Variants in ENTREP1 observed in about 807,000 individuals in gnomAD.
ENTREP1 encodes Friedreich ataxia region gene X123.
At chr9:69,382,904 A>T in the ENTREP1 span, 1 of 388,284 alleles carries the variant, frequency 2.6e-6, no homozygotes, top group Non-Finnish European at 3.5e-6. Context: ...GATACTCCAT[A>T]GCAGAATGCA....
At chr9:69,329,522 A>C in the ENTREP1 span, 1 of 984,530 alleles carries the variant, frequency 1.0e-6, no homozygotes, top group Non-Finnish European at 1.2e-6. Flanking sequence ...CATAGTTTTC[A>C]TTCATACTTT....
the ENTREP1 span, among the ~76,000 whole-genome samples, chr9:69,378,012 G>C: frequency 6.6e-6 from 1 of 151,280 alleles, no homozygotes; most frequent in African/African-American, 2.4e-5. Context: ...TATTCTCTCT[G>C]TCTCTCTCTC....
chr9:69,381,903 CT>C, the ENTREP1 span: 2 of 152,198 alleles, frequency 1.3e-5, no homozygotes, highest in African/African-American at 4.8e-5. Context: ...CCCAGTTGTT[CT>C]TCGGGAAGAA....
chr9:69,328,836 T>C, the ENTREP1 span, among the ~76,000 whole-genome samples: 1 of 152,194 alleles, frequency 6.6e-6, no homozygotes, highest in African/African-American at 2.4e-5. Context: ...AGAAAATGTT[T>C]ATCAACCCTA....
the ENTREP1 span, chr9:69,329,624 A>C: frequency 1.0e-6 from 1 of 985,064 alleles, no homozygotes; most frequent in African/African-American, 1.7e-5. Flanking sequence ...TAAATCACTC[A>C]ATATATTATT....
the ENTREP1 span, among the ~76,000 whole-genome samples, chr9:69,367,860 CACATATATATAAATAT>C: frequency 1.3e-5 from 1 of 79,516 alleles, no homozygotes; most frequent in African/African-American, 4.4e-5. Flanking sequence ...AATATATACA[CACATATATATAAATAT>C]ATATATACAC....
chr9:69,391,478 T>C, the ENTREP1 span: 1 of 620,948 alleles, frequency 1.6e-6, no homozygotes, highest in South Asian at 2.1e-5. Context: ...GGAAAATGCC[T>C]TTTTTTTTTC....
the ENTREP1 span, among the ~76,000 whole-genome samples, chr9:69,349,518 C>T: frequency 6.6e-6 from 1 of 152,098 alleles, no homozygotes; most frequent in African/African-American, 2.4e-5. Context: ...TGATGTTCAA[C>T]ATCTTTTTAT....
the ENTREP1 span, among the ~76,000 whole-genome samples, chr9:69,359,832 GAC>G: frequency 6.6e-6 from 1 of 152,206 alleles, no homozygotes; most frequent in Non-Finnish European, 1.5e-5. Context: ...TGGGCAGGAA[GAC>G]AGAGAGATGG....
the ENTREP1 span, among the ~76,000 whole-genome samples, chr9:69,342,198 T>C: frequency 6.6e-6 from 1 of 152,198 alleles, no homozygotes; most frequent in Non-Finnish European, 1.5e-5. Context: ...GCTTAAGAAT[T>C]TTCCAGGTTC....
At chr9:69,366,016 C>T in the ENTREP1 span, among the ~76,000 whole-genome samples, 18 of 152,210 alleles carry the variant, frequency 1.2e-4, no homozygotes, top group African/African-American at 4.3e-4. Context: ...CTTTGATATA[C>T]TGATTTCTTT....
At chr9:69,329,295 G>C in the ENTREP1 span, 2 of 919,458 alleles carry the variant, frequency 2.2e-6, no homozygotes, top group Admixed American at 6.2e-5. Context: ...TTGTGTATTT[G>C]ATACAAAATT....
At chr9:69,386,094 A>G in the ENTREP1 span, 5 of 587,176 alleles carry the variant, frequency 8.5e-6, no homozygotes, top group Non-Finnish European at 1.0e-5. Flanking sequence ...AAAGTAAAAT[A>G]TTCTACGTCC....
chr9:69,347,040 AC>A, the ENTREP1 span, among the ~76,000 whole-genome samples: 1 of 152,214 alleles, frequency 6.6e-6, no homozygotes, highest in Non-Finnish European at 1.5e-5. Context: ...GGATTGGAGC[AC>A]CCTGTGGCCT....
chr9:69,366,218 A>T, the ENTREP1 span, among the ~76,000 whole-genome samples: 1 of 152,140 alleles, frequency 6.6e-6, no homozygotes, highest in East Asian at 1.9e-4. Context: ...GATAATAGCC[A>T]TTCTAACTAT....
At chr9:69,343,247 G>A in the ENTREP1 span, among the ~76,000 whole-genome samples, 2 of 152,208 alleles carry the variant, frequency 1.3e-5, no homozygotes, top group Non-Finnish European at 2.9e-5. Flanking sequence ...AAAACAGAGT[G>A]TGTGAACAAT....
At chr9:69,352,160 A>G in the ENTREP1 span, among the ~76,000 whole-genome samples, 1 of 151,988 alleles carries the variant, frequency 6.6e-6, no homozygotes, top group South Asian at 2.1e-4. Flanking sequence ...TCTGTTGCCC[A>G]GGCTGGAGTG....
chr9:69,335,051 G>A, the ENTREP1 span, among the ~76,000 whole-genome samples: 4 of 152,004 alleles, frequency 2.6e-5, no homozygotes, highest in Admixed American at 6.6e-5. Context: ...GTGAGCCACC[G>A]CGCCCAGCCT....
the ENTREP1 span, among the ~76,000 whole-genome samples, chr9:69,373,947 A>G: frequency 8.5e-5 from 13 of 152,170 alleles, no homozygotes. Flanking sequence ...TCCAAACAAA[A>G]TATTGTTTGT....
Sources: allele counts gnomAD v4.1 joint callset (sites outside exome capture counted in the v4.1 genomes callset), GRCh38; gene constraint gnomAD v4.1.1; transcripts MANE v1.5; gene names NCBI Gene and HGNC (gene_info 2026-07-23, HGNC 2026-07-21).